The following SLC16A2 variants were observed in gnomAD, a reference collection of about 807,000 sequenced individuals.
SLC16A2 encodes solute carrier family 16 member 2.
A neutral mutation model predicts 27.2 loss-of-function variants in SLC16A2; 3 were observed. That is an observed-to-expected ratio of 0.11 (90% confidence interval 0.05 to 0.28). The LOEUF is 0.28. Among genes scored for constraint, SLC16A2 ranks in the 10% least tolerant of loss-of-function variants. The pLI, the probability that SLC16A2 is intolerant of heterozygous loss-of-function variation, is 1.00. For missense variants in SLC16A2, 295 were observed against 458.5 expected (o/e 0.64, Z 3.26); for synonymous variants, 202 against 187.8 (o/e 1.08, Z -0.62).
At chrX:74,497,016 T>C (rs1433179390) in intron 1 of SLC16A2, among the ~76,000 whole-genome samples, 1 of 112,119 alleles carries the variant, frequency 8.9e-6, no homozygotes, top group Non-Finnish European at 1.9e-5. Context: ...CCTGTGTCTT[T>C]TTCTGCTGAT....
intron 1 of SLC16A2, among the ~76,000 whole-genome samples, chrX:74,463,486 C>T (rs1569289087): frequency 1.8e-5 from 2 of 111,562 alleles, no homozygotes; most frequent in South Asian, 7.5e-4. Flanking sequence ...TAATGCATAA[C>T]TGATGTACAA....
At chrX:74,431,919 C>T (rs764601019) in intron 1 of SLC16A2, among the ~76,000 whole-genome samples, 2 of 111,550 alleles carry the variant, frequency 1.8e-5, no homozygotes, top group Non-Finnish European at 3.8e-5. Flanking sequence ...TTTCCATCTC[C>T]CCACTGTGTT....
At chrX:74,509,153 G>A (rs181120123) in intron 1 of SLC16A2, among the ~76,000 whole-genome samples, 20 of 110,129 alleles carry the variant, frequency 1.8e-4, no homozygotes, top group African/African-American at 6.3e-4. Flanking sequence ...TGTAGAGAGT[G>A]GGGTCTCACT....
intron 4 of SLC16A2, among the ~76,000 whole-genome samples, chrX:74,528,951 A>C (rs990802133): frequency 8.9e-6 from 1 of 112,113 alleles, no homozygotes; most frequent in African/African-American, 3.2e-5. Flanking sequence ...TCTTGAGGCC[A>C]GGGGCCAAGT....
intron 3 of SLC16A2, 116 bp from the exon 4 acceptor site, chrX:74,525,634 G>T (rs1930476000): frequency 1.2e-6 from 1 of 851,695 alleles, no homozygotes; most frequent in African/African-American, 2.0e-5. Context: ...AGGAGAGGGG[G>T]TTTCTGTCCT....
At chrX:74,479,542 C>T (rs756109150) in intron 1 of SLC16A2, among the ~76,000 whole-genome samples, 59 of 112,388 alleles carry the variant, frequency 5.2e-4, no homozygotes, top group African/African-American at 1.7e-3. Flanking sequence ...TGCATTCCTT[C>T]GGAGGAAGAG....
At chrX:74,481,795 G>T (rs1929625870) in intron 1 of SLC16A2, among the ~76,000 whole-genome samples, 2 of 106,907 alleles carry the variant, frequency 1.9e-5, no homozygotes, top group Admixed American at 2.1e-4. Flanking sequence ...GGAATATTAG[G>T]TTATTGATTT....
At chrX:74,462,152 C>T (rs1052012063) in intron 1 of SLC16A2, among the ~76,000 whole-genome samples, 2 of 112,073 alleles carry the variant, frequency 1.8e-5, no homozygotes, top group African/African-American at 6.5e-5. Context: ...TGGGTAGAGC[C>T]CTTGCAGGCA....
intron 1 of SLC16A2, among the ~76,000 whole-genome samples, chrX:74,423,732 G>A (rs908901363): frequency 5.4e-5 from 6 of 111,538 alleles, no homozygotes; most frequent in Admixed American, 1.9e-4. Flanking sequence ...AGGGGCTCCT[G>A]GGAAAGCAGG....
At chrX:74,517,272 T>C (rs935655641) in intron 1 of SLC16A2, among the ~76,000 whole-genome samples, 7 of 112,146 alleles carry the variant, frequency 6.2e-5, no homozygotes, top group African/African-American at 2.3e-4. Context: ...ATTTCACAAT[T>C]AAAAATTTTT....
intron 1 of SLC16A2, among the ~76,000 whole-genome samples, chrX:74,444,935 C>T (rs1928812422): frequency 2.7e-5 from 3 of 111,858 alleles, no homozygotes; most frequent in Non-Finnish European, 1.9e-5. Flanking sequence ...CTCACAGGGT[C>T]CTCTTTCCTC....
intron 1 of SLC16A2, among the ~76,000 whole-genome samples, chrX:74,472,139 AG>A (rs1354040129): frequency 8.9e-6 from 1 of 112,060 alleles, no homozygotes; most frequent in Non-Finnish European, 1.9e-5. Flanking sequence ...TCTGAACTTT[AG>A]GGGACAAATA....
At chrX:74,444,833 A>G (rs780619541) in intron 1 of SLC16A2, among the ~76,000 whole-genome samples, 1 of 111,809 alleles carries the variant, frequency 8.9e-6, no homozygotes, top group African/African-American at 3.3e-5. Context: ...AGCCTAGCTT[A>G]TATCCTGTCC....
intron 1 of SLC16A2, among the ~76,000 whole-genome samples, chrX:74,444,609 C>CT (rs1015203644): frequency 2.7e-5 from 3 of 112,210 alleles, no homozygotes; most frequent in African/African-American, 6.5e-5. Context: ...AAAGACCAGC[C>CT]TGTTTTTTAA....
chrX:74,529,359 G>A lies in SLC16A2; in HGVS notation c.1317G>A (p.Val439=). 1.7e-6 allele frequency: 2 copies of A among 1,206,094 alleles called. No individual in the cohort carries two copies. Among genetic ancestry groups the A allele is most frequent in the Non-Finnish European group, 2.2e-6 (2 of 892,253 alleles). Residue 439 remains valine (V), a synonymous_variant, in exon 5 of 6, where the codon GTG becomes GTA. Transcript: ENST00000587091. ...TIMAPIAFEL[V]GPMQASQAIG... ...TGGCCCCCATTGCATTTGAGCTGGT[G>A]GGCCCAATGCAGGCCTCACAGGCCA...
intron 1 of SLC16A2, among the ~76,000 whole-genome samples, chrX:74,440,725 C>A (rs1928728279): frequency 9.2e-6 from 1 of 108,905 alleles, no homozygotes; most frequent in Admixed American, 9.9e-5. Flanking sequence ...GTATATCCAA[C>A]TGTGTGTAAC....
intron 1 of SLC16A2, among the ~76,000 whole-genome samples, chrX:74,480,977 G>A (rs568591228): frequency 1.7e-4 from 19 of 112,265 alleles, no homozygotes; most frequent in African/African-American, 3.9e-4. Flanking sequence ...TGCATCTCTC[G>A]AAATAATCAT....
chrX:74,464,914 G>A (rs1929221655), intron 1 of SLC16A2, among the ~76,000 whole-genome samples: 1 of 111,171 alleles, frequency 9.0e-6, no homozygotes, highest in Admixed American at 9.6e-5. Flanking sequence ...GGGCAACATA[G>A]CAAGATCCCA....
chrX:74,443,475 A>G (rs1028302894), intron 1 of SLC16A2, among the ~76,000 whole-genome samples: 3 of 111,651 alleles, frequency 2.7e-5, no homozygotes, highest in African/African-American at 9.8e-5. Context: ...TGGTGCAGAA[A>G]AAGAGTGGGT....
Sources: gnomAD v4.1 joint callset for allele counts (sites outside exome capture counted in the v4.1 genomes callset) on GRCh38, gnomAD v4.1.1 for gene constraint, MANE v1.5 for transcripts, NCBI Gene and HGNC (gene_info 2026-07-23, HGNC 2026-07-21) for gene names.